The following RALA variants were observed in gnomAD, a reference collection of about 807,000 sequenced individuals.
RALA encodes the protein ras-related protein Ral-A.
RALA carries 5 observed loss-of-function variants against 24.0 expected under a neutral mutation model. The ratio of observed to expected loss-of-function variants is 0.21; its 90% CI spans 0.11 to 0.44. RALA has a LOEUF of 0.44. Among genes scored for constraint, RALA ranks in the 20% least tolerant of loss-of-function variants. The probability of loss-of-function intolerance (pLI) is 0.99; values close to 1 mark genes in which losing one functional copy is unlikely to be tolerated. For missense variants in RALA, 95 were observed against 241.2 expected, an observed-to-expected ratio of 0.39 and a Z score of 4.01; for synonymous variants, 77 against 83.8, an observed-to-expected ratio of 0.92 and a Z score of 0.44.
At chr7:39,633,266 G>C (rs377723959) in intron 1 of RALA, among the ~76,000 whole-genome samples, 72 of 152,310 alleles carry the variant, frequency 4.7e-4, no homozygotes, top group African/African-American at 8.9e-4. Context: ...CCGAGAATGG[G>C]TAATTTATAA....
intron 1 of RALA, among the ~76,000 whole-genome samples, chr7:39,653,416 A>C (rs536557386): frequency 2.0e-3 from 306 of 152,118 alleles, no homozygotes; most frequent in African/African-American, 7.2e-3. Context: ...AGCTTTGACT[A>C]CCTGGCTTAA....
Position 39,696,676 on chromosome 7 carries a change from C to T in RALA, c.324-9C>T. On this transcript the variant is annotated splice_polypyrimidine_tract_variant and intron_variant, in intron 3 of 4. Transcript: ENST00000005257. ...TGTTAATATTTCTTTTTCATTTTCT[C>T]TTATCCAGGGAGCAGATTTTAAGAG... 4 of 1,576,598 alleles carry T rather than the reference C, an allele frequency of 2.5e-6. No homozygotes were observed. The highest frequency in any genetic ancestry group is 2.3e-5 in the South Asian group (2 of 86,136).
chr7:39,658,470 G>A (rs1029555037), intron 1 of RALA, among the ~76,000 whole-genome samples: 18 of 151,826 alleles, frequency 1.2e-4, no homozygotes, highest in African/African-American at 4.1e-4. Context: ...TGCTGTTTTT[G>A]TATGTATATA....
intron 1 of RALA, among the ~76,000 whole-genome samples, chr7:39,665,878 A>G (rs1390351272): frequency 6.6e-6 from 1 of 152,022 alleles, no homozygotes; most frequent in South Asian, 2.1e-4. Context: ...GCTTCACATC[A>G]ATAGTGTGTC....
intron 1 of RALA, among the ~76,000 whole-genome samples, chr7:39,682,785 G>A (rs976975074): frequency 3.3e-5 from 5 of 152,170 alleles, no homozygotes; most frequent in African/African-American, 1.2e-4. Flanking sequence ...TGGGATTACA[G>A]GCACCTGCCA....
intron 1 of RALA, among the ~76,000 whole-genome samples, chr7:39,657,197 C>A (rs970943487): frequency 6.6e-6 from 1 of 152,094 alleles, no homozygotes. Flanking sequence ...AACTGCTGAC[C>A]TCAGGTGATC....
At chr7:39,700,121 C>T (rs759955206) in intron 4 of RALA, among the ~76,000 whole-genome samples, 11 of 151,870 alleles carry the variant, frequency 7.2e-5, no homozygotes, top group Non-Finnish European at 1.6e-4. Context: ...GTTACTTTTT[C>T]AAAAAATAAA....
chr7:39,674,727 T>C (rs764015686), intron 1 of RALA, among the ~76,000 whole-genome samples: 26 of 152,146 alleles, frequency 1.7e-4, no homozygotes, highest in Non-Finnish European at 3.7e-4. Flanking sequence ...CATATTGAGA[T>C]ATCTTGGGGG....
chr7:39,664,291 G>A (rs1792248515), intron 1 of RALA, among the ~76,000 whole-genome samples: 1 of 152,176 alleles, frequency 6.6e-6, no homozygotes. Context: ...CCAGCTGCCA[G>A]TCTTTAGGTT....
chr7:39,634,692 G>A (rs1026854917), intron 1 of RALA, among the ~76,000 whole-genome samples: 3 of 151,864 alleles, frequency 2.0e-5, no homozygotes, highest in South Asian at 4.2e-4. Context: ...GACAATTCTC[G>A]GTGCCTGCTA....
chr7:39,681,818 C>G (rs920688004), intron 1 of RALA, among the ~76,000 whole-genome samples: 2 of 152,082 alleles, frequency 1.3e-5, no homozygotes, highest in African/African-American at 4.8e-5. Flanking sequence ...CTAAAACATT[C>G]AGTTTTTCTT....
At chr7:39,653,021 CTATTAT>C (rs1006254101) in intron 1 of RALA, among the ~76,000 whole-genome samples, 1 of 147,572 alleles carries the variant, frequency 6.8e-6, no homozygotes, top group African/African-American at 2.5e-5. Context: ...TGGTCTCAAA[CTATTAT>C]TATTATTATT....
intron 1 of RALA, among the ~76,000 whole-genome samples, chr7:39,659,061 C>G (rs1006746590): frequency 1.3e-5 from 2 of 152,142 alleles, no homozygotes; most frequent in African/African-American, 4.8e-5. Flanking sequence ...AGGCAGATCA[C>G]TTGAGCCCAG....
At chr7:39,630,940 C>T (rs1159445148) in intron 1 of RALA, among the ~76,000 whole-genome samples, 2 of 151,740 alleles carry the variant, frequency 1.3e-5, no homozygotes, top group African/African-American at 4.8e-5. Context: ...GTTTTTCTTG[C>T]CTTCTTGTAT....
At chr7:39,648,481 T>G (rs1035605996) in intron 1 of RALA, among the ~76,000 whole-genome samples, 4 of 152,052 alleles carry the variant, frequency 2.6e-5, no homozygotes, top group Admixed American at 1.3e-4. Flanking sequence ...GCCTCATGTG[T>G]CAGGCACTAT....
intron 1 of RALA, among the ~76,000 whole-genome samples, chr7:39,655,285 A>G: frequency 6.6e-6 from 1 of 152,234 alleles, no homozygotes; most frequent in East Asian, 1.9e-4. Flanking sequence ...AGCAACAGGG[A>G]TAAATGTCAA....
chr7:39,690,304 C>T (rs1792792885), intron 2 of RALA, 78 bp from the exon 3 acceptor site: 4 of 1,289,160 alleles, frequency 3.1e-6, no homozygotes, highest in Non-Finnish European at 4.3e-6. Context: ...TTGGCAGCTT[C>T]ACATGAATTT....
intron 1 of RALA, among the ~76,000 whole-genome samples, chr7:39,659,698 A>G (rs1406280607): frequency 1.3e-5 from 2 of 152,184 alleles, no homozygotes; most frequent in East Asian, 1.9e-4. Flanking sequence ...TAGGCACTAA[A>G]TAAGCCCAAA....
At chr7:39,694,756 C>T (rs867178856) in intron 3 of RALA, among the ~76,000 whole-genome samples, 1 of 151,836 alleles carries the variant, frequency 6.6e-6, no homozygotes, top group Non-Finnish European at 1.5e-5. Flanking sequence ...CTATAAAATG[C>T]CTGCAGCCAG....
Sources: allele counts gnomAD v4.1 joint callset (sites outside exome capture counted in the v4.1 genomes callset), GRCh38; gene constraint gnomAD v4.1.1; transcripts MANE v1.5; gene names NCBI Gene and HGNC (gene_info 2026-07-23, HGNC 2026-07-21).